PTPRZ1: variants seen among roughly 807,000 people sequenced by gnomAD.
PTPRZ1 encodes receptor-type tyrosine-protein phosphatase zeta.
In PTPRZ1, 82 loss-of-function variants were observed where a neutral mutation model predicts 214.1. The observed-to-expected ratio is 0.38, with a 90% CI of 0.32 to 0.46. The LOEUF (loss-of-function observed/expected upper bound fraction) is 0.46, where lower values mean the gene tolerates loss of function less well. PTPRZ1 is among the 20% of genes least tolerant of loss of function. The pLI is 1.00. For synonymous variants in PTPRZ1, 945 were observed against 987.9 expected (o/e 0.96, Z 0.81); for missense variants, 2,603 against 2,748.7 (o/e 0.95, Z 1.19).
At chr7:121,990,160 A>T (rs1269026534) in intron 8 of PTPRZ1, among the ~76,000 whole-genome samples, 1 of 152,194 alleles carries the variant, frequency 6.6e-6, no homozygotes. Context: ...CAAGAGGAGA[A>T]GTAAAAGCTA....
chr7:121,967,708 G>C (rs1286638464), intron 2 of PTPRZ1, among the ~76,000 whole-genome samples: 1 of 152,084 alleles, frequency 6.6e-6, no homozygotes, highest in Non-Finnish European at 1.5e-5. Context: ...ACCAAACCTT[G>C]GTTGTTGTTC....
chr7:121,997,840 G>T, intron 9 of PTPRZ1, 40 bp from the exon 10 acceptor site: 1 of 1,565,630 alleles, frequency 6.4e-7, no homozygotes, highest in South Asian at 1.1e-5. Flanking sequence ...GTAGTCCTAT[G>T]AGAATAACAT....
chr7:121,982,550 C>T (rs1797643190), intron 6 of PTPRZ1, among the ~76,000 whole-genome samples: 1 of 152,092 alleles, frequency 6.6e-6, no homozygotes, highest in African/African-American at 2.4e-5. Context: ...ATTTAATTCT[C>T]TCCAGAATGT....
At chr7:122,004,529 T>A (rs1798424759) in intron 10 of PTPRZ1, 85 bp from the exon 11 acceptor site, 4 of 718,288 alleles carry the variant, frequency 5.6e-6, no homozygotes, top group Non-Finnish European at 9.2e-6. Context: ...TTCTTTTTAA[T>A]TTTTTCTCTT....
chr7:121,967,012 G>C (rs1375387201), intron 2 of PTPRZ1: 1 of 152,150 alleles, frequency 6.6e-6, no homozygotes, highest in Non-Finnish European at 1.5e-5. Context: ...TTTAACCAGA[G>C]ACTTGGACTC....
At chr7:122,006,241 G>T (rs990348943) in intron 11 of PTPRZ1, among the ~76,000 whole-genome samples, 1 of 151,966 alleles carries the variant, frequency 6.6e-6, no homozygotes, top group Non-Finnish European at 1.5e-5. Context: ...CCATTTTTCT[G>T]TGTTGGAAAC....
At position 122,044,444 on chromosome 7, in the gene PTPRZ1, A is replaced by T; in HGVS notation, c.5960A>T (p.Asp1987Val). 2 of 1,613,864 alleles carry T rather than the reference A, an allele frequency of 1.2e-6. No individual in the cohort carries two copies. The highest frequency in any genetic ancestry group is 1.7e-6 in the Non-Finnish European group (2 of 1,179,782). The change falls in exon 23 of 30, where the codon GAT (aspartate) becomes GTT (valine). Residue 1987 changes from aspartate to valine, a missense_variant. By Grantham distance (152) the Asp-to-Val change is radical. Around this residue, in one of 6 missense-constraint regions of PTPRZ1, gnomAD observed 1,913 missense variants for 1,914.3 expected, o/e 1.00. Coordinates refer to ENST00000393386, the MANE Select transcript of PTPRZ1 (RefSeq NM_002851.3). ...QTEEQYVFIH[D>V]TLVEAILSKE... ...CAGGAGCAATATGTCTTCATTCATG[A>T]TACACTGGTTGAGGCCATACTTAGT...
chr7:122,029,644 C>A (rs1165504069), intron 14 of PTPRZ1, among the ~76,000 whole-genome samples: 1 of 151,712 alleles, frequency 6.6e-6, no homozygotes, highest in Non-Finnish European at 1.5e-5. Flanking sequence ...GGCTCAAGTT[C>A]TACAGGATGT....
chr7:122,034,070 T>C (rs1799464443), intron 15 of PTPRZ1, 25 bp from the exon 16 acceptor site: 4 of 1,575,184 alleles, frequency 2.5e-6, no homozygotes, highest in Non-Finnish European at 3.5e-6. Flanking sequence ...TTTCTTTACT[T>C]TTTTGGCATT....
Position 122,058,921 on chromosome 7 carries a change from G to A in PTPRZ1, c.6650G>A (p.Gly2217Glu). 1 of 1,589,504 alleles carries A rather than the reference G, an allele frequency of 6.3e-7. No homozygotes were observed. ...VIKEEAANRD[G>E]PMIVHDEHGG... ...AAAGAAGAAGCTGCCAATAGGGATG[G>A]GCCTATGATTGTTCATGATGAGTAA... Residue 2217 changes from glycine (G) to glutamate (E), a missense_variant, in exon 28 of 30, where the codon GGG becomes GAG. By Grantham distance (98) the Gly-to-Glu change is moderately conservative (BLOSUM62 -2). Around this residue, in one of 6 missense-constraint regions of PTPRZ1, gnomAD observed 165 missense variants for 151.4 expected, o/e 1.09. Transcript: ENST00000393386.
intron 13 of PTPRZ1, among the ~76,000 whole-genome samples, chr7:122,023,118 A>T (rs1584752180): frequency 6.6e-6 from 1 of 152,188 alleles, no homozygotes; most frequent in African/African-American, 2.4e-5. Context: ...TTAGAAGAAA[A>T]TATTTAAGTA....
At chr7:122,018,940 C>A (rs1349872333) in intron 12 of PTPRZ1, among the ~76,000 whole-genome samples, 184 bp from the exon 13 acceptor site, 1 of 152,122 alleles carries the variant, frequency 6.6e-6, no homozygotes, top group Non-Finnish European at 1.5e-5. Context: ...TGTCTAATAG[C>A]CTGCCTTACA....
intron 18 of PTPRZ1, 129 bp from the exon 19 acceptor site, chr7:122,038,626 C>A: frequency 2.8e-6 from 2 of 716,062 alleles, no homozygotes; most frequent in Non-Finnish European, 2.0e-6. Context: ...ATTTCTCCAA[C>A]TTTGCAAGTT....
At chr7:121,976,673 T>G in intron 5 of PTPRZ1, 112 bp from the exon 6 acceptor site, 1 of 847,494 alleles carries the variant, frequency 1.2e-6, no homozygotes, top group Non-Finnish European at 1.7e-6. Context: ...TTTTGGAACT[T>G]ACTATTTTTT....
chr7:122,039,035 A>G, intron 19 of PTPRZ1, 146 bp downstream of exon 19: 1 of 799,772 alleles, frequency 1.3e-6, no homozygotes, highest in Non-Finnish European at 1.9e-6. Context: ...CTAAAGGGAA[A>G]CTGTTAATAC....
intron 4 of PTPRZ1, among the ~76,000 whole-genome samples, chr7:121,975,866 AAGAC>A (rs141318163): frequency 0.015 from 2,335 of 152,318 alleles, 20 homozygotes; most frequent in Middle Eastern, 0.027. Context: ...ACTCTTGAGA[AAGAC>A]AGAAAATTAT....
intron 23 of PTPRZ1, among the ~76,000 whole-genome samples, chr7:122,045,854 A>G (rs1799881148): frequency 6.6e-6 from 1 of 152,174 alleles, no homozygotes; most frequent in African/African-American, 2.4e-5. Context: ...AATTGAAAAG[A>G]GAGATATTTT....
chr7:122,026,605 C>G (rs1799213063), intron 13 of PTPRZ1, among the ~76,000 whole-genome samples: 1 of 152,120 alleles, frequency 6.6e-6, no homozygotes, highest in Non-Finnish European at 1.5e-5. Flanking sequence ...TCTCCATTTT[C>G]CAGGATATTA....
At chr7:122,037,565 T>A in intron 18 of PTPRZ1, among the ~76,000 whole-genome samples, 1 of 152,160 alleles carries the variant, frequency 6.6e-6, no homozygotes, top group East Asian at 1.9e-4. Context: ...ATTACTTCCC[T>A]AAGATGCACC....
Sources: allele counts gnomAD v4.1 joint callset (sites outside exome capture counted in the v4.1 genomes callset), GRCh38; gene constraint gnomAD v4.1.1; regional missense constraint gnomAD v4.1.1; transcripts MANE v1.5; gene names NCBI Gene and HGNC (gene_info 2026-07-23, HGNC 2026-07-21).